ARHGAP8: variants seen among roughly 807,000 people sequenced by gnomAD.
ARHGAP8 encodes Rho GTPase activating protein 8.
A neutral mutation model predicts 46.1 loss-of-function variants in ARHGAP8; 62 were observed. The observed-to-expected ratio is 1.34, with a 90% CI of 1.10 to 1.66. The LOEUF (loss-of-function observed/expected upper bound fraction) is 1.66. Among genes scored for constraint, ARHGAP8 ranks in the 40% most tolerant of loss-of-function variants. The probability of loss-of-function intolerance (pLI) is 0.00; values close to 1 mark genes in which losing one functional copy is unlikely to be tolerated. For missense variants in ARHGAP8, 923 were observed against 568.4 expected, an observed-to-expected ratio of 1.62 and a Z score of -6.34; for synonymous variants, 375 against 243.1, an observed-to-expected ratio of 1.54 and a Z score of -5.05.
intron 5 of ARHGAP8, among the ~76,000 whole-genome samples, chr22:44,816,602 C>G (rs1255371758): frequency 6.6e-6 from 1 of 152,008 alleles, no homozygotes; most frequent in Non-Finnish European, 1.5e-5. Context: ...CACTTGAGCC[C>G]AGGAGTGTGA....
At chr22:44,818,808 C>T (rs1929936054) in intron 5 of ARHGAP8, among the ~76,000 whole-genome samples, 1 of 151,870 alleles carries the variant, frequency 6.6e-6, no homozygotes, top group African/African-American at 2.4e-5. Context: ...GTGGTCCTCC[C>T]ACCTCAGCCT....
intron 1 of ARHGAP8, among the ~76,000 whole-genome samples, chr22:44,763,797 CT>C (rs1346303144): frequency 4.3e-5 from 5 of 117,246 alleles, no homozygotes; most frequent in African/African-American, 1.2e-4. Context: ...TTTTCTTTTT[CT>C]TTTCTTTTTT....
chr22:44,777,862 A>G (rs1926536800), intron 1 of ARHGAP8, among the ~76,000 whole-genome samples: 2 of 151,864 alleles, frequency 1.3e-5, no homozygotes, highest in African/African-American at 4.8e-5. Flanking sequence ...TGCCCAGCTA[A>G]TTTTTGTATT....
intron 7 of ARHGAP8, among the ~76,000 whole-genome samples, chr22:44,831,963 C>T (rs1481140185): frequency 1.3e-5 from 2 of 152,030 alleles, no homozygotes; most frequent in Non-Finnish European, 2.9e-5. Context: ...TTTCCATATT[C>T]ATTTTAGTAT....
intron 7 of ARHGAP8, among the ~76,000 whole-genome samples, chr22:44,829,223 G>A (rs1471646786): frequency 6.6e-6 from 1 of 151,180 alleles, no homozygotes; most frequent in African/African-American, 2.4e-5. Context: ...CCTGGGAGGC[G>A]GAGGTTTCAG....
chr22:44,773,043 TG>T (rs778023090), intron 1 of ARHGAP8, among the ~76,000 whole-genome samples: 218 of 152,066 alleles, frequency 1.4e-3, no homozygotes, highest in Non-Finnish European at 8.1e-4. Context: ...CTTAAACCTC[TG>T]GGCTTAAGTT....
At position 44,862,065 on chromosome 22, in the gene ARHGAP8, G is replaced by A. The variant is rs143104322; in HGVS notation, c.982-210G>A. On this transcript the variant is annotated intron_variant, in intron 11 of 11. Coordinates refer to ENST00000356099, the MANE Select transcript of ARHGAP8 (RefSeq NM_181335.3). ...AGGTCAGAGCCAGAGGGTCCTCCAGGACATGGAGGCCAAGCCTTCCTTTTA... is the reference window on the plus strand; with the variant it reads ...AGGTCAGAGCCAGAGGGTCCTCCAGAACATGGAGGCCAAGCCTTCCTTTTA... 2.8e-3 allele frequency among the ~76,000 whole-genome samples: 420 copies of A among 152,322 alleles called. 1 individual carries two copies. Among genetic ancestry groups the A allele is most frequent in the Non-Finnish European group, 4.7e-3 (323 of 68,028 alleles).
intron 2 of ARHGAP8, among the ~76,000 whole-genome samples, chr22:44,795,694 C>T (rs374147692): frequency 2.6e-5 from 4 of 152,308 alleles, no homozygotes; most frequent in East Asian, 3.9e-4. Context: ...CTGGGACCTG[C>T]GGAAAAGCTG....
chr22:44,846,841 A>C (rs2069969248), intron 8 of ARHGAP8, among the ~76,000 whole-genome samples: 1 of 151,386 alleles, frequency 6.6e-6, no homozygotes, highest in Non-Finnish European at 1.5e-5. Context: ...GACTTCCATC[A>C]GGGAGAAGGC....
intron 7 of ARHGAP8, among the ~76,000 whole-genome samples, chr22:44,837,510 C>G (rs1318006582): frequency 6.6e-6 from 1 of 152,140 alleles, no homozygotes; most frequent in Admixed American, 6.5e-5. Flanking sequence ...TGAGACGTGA[C>G]CCTGGCCCGT....
intron 10 of ARHGAP8, among the ~76,000 whole-genome samples, chr22:44,856,789 G>A (rs1025698916): frequency 1.4e-5 from 2 of 143,916 alleles, no homozygotes; most frequent in Admixed American, 6.7e-5. Flanking sequence ...GACTCCTCGA[G>A]ATCAGATGCG....
chr22:44,821,238 T>C (rs529452324), intron 5 of ARHGAP8, among the ~76,000 whole-genome samples: 80 of 152,224 alleles, frequency 5.3e-4, no homozygotes, highest in Non-Finnish European at 3.4e-4. Flanking sequence ...GAGACCATCC[T>C]GGCTAACATG....
At chr22:44,844,673 G>T (rs1258203379) in intron 7 of ARHGAP8, among the ~76,000 whole-genome samples, 3 of 152,062 alleles carry the variant, frequency 2.0e-5, no homozygotes, top group African/African-American at 7.2e-5. Context: ...ATGTTGGCAA[G>T]GCTACTCTTG....
chr22:44,779,216 C>G (rs1393203767), intron 1 of ARHGAP8, among the ~76,000 whole-genome samples: 1 of 151,368 alleles, frequency 6.6e-6, no homozygotes, highest in Non-Finnish European at 1.5e-5. Context: ...TCTCCTGCCT[C>G]AGCCTCCCTA....
rs199765158 is a variant in ARHGAP8, at chr22:44,770,327, AC to A, written c.-71-16128del. ...TCCACTTCTGGGTGGGGGCTACAGG[AC>A]CAGAGTCAGGAGTCTTGGGTGCAGG... On this transcript the variant is annotated intron_variant, in intron 1 of 11. Coordinates refer to ENST00000356099, the MANE Select transcript of ARHGAP8 (RefSeq NM_181335.3). 5.1e-3 allele frequency among the ~76,000 whole-genome samples: 773 copies of A among 152,202 alleles called. 7 individuals are homozygous for A. The highest frequency in any genetic ancestry group is 0.018 in the African/African-American group (744 of 41,522).
chr22:44,781,075 G>A (rs1315704067), intron 1 of ARHGAP8, among the ~76,000 whole-genome samples: 1 of 152,148 alleles, frequency 6.6e-6, no homozygotes, highest in African/African-American at 2.4e-5. Flanking sequence ...TATCATGTGC[G>A]CTGCCGGCGG....
intron 5 of ARHGAP8, among the ~76,000 whole-genome samples, chr22:44,819,319 G>C (rs754545499): frequency 7.2e-5 from 11 of 152,048 alleles, no homozygotes; most frequent in African/African-American, 2.2e-4. Context: ...CTCCAGCCTC[G>C]GCCTCTCAAA....
chr22:44,859,704 T>G (rs1363398091), intron 10 of ARHGAP8, 27 bp from the exon 11 acceptor site: 4 of 1,610,808 alleles, frequency 2.5e-6, no homozygotes, highest in Non-Finnish European at 3.4e-6. Flanking sequence ...CCTCTGGAGC[T>G]CAGCAGGGAG....
intron 9 of ARHGAP8, 46 bp from the exon 10 acceptor site, chr22:44,848,886 C>T: frequency 8.7e-6 from 14 of 1,609,362 alleles, no homozygotes; most frequent in Non-Finnish European, 1.2e-5. Flanking sequence ...AGCGGCAGTG[C>T]CCAGGCCGGG....
Sources: gnomAD v4.1 joint callset for allele counts (sites outside exome capture counted in the v4.1 genomes callset) on GRCh38, gnomAD v4.1.1 for gene constraint, MANE v1.5 for transcripts, NCBI Gene and HGNC (gene_info 2026-07-23, HGNC 2026-07-21) for gene names.